Variants in RFX1 observed in about 807,000 individuals in gnomAD.
RFX1 encodes MHC class II regulatory factor RFX1.
A neutral mutation model predicts 119.6 loss-of-function variants in RFX1; 42 were observed. The observed-to-expected ratio is 0.35, with a 90% confidence interval of 0.27 to 0.45. The LOEUF (loss-of-function observed/expected upper bound fraction) is 0.45, where lower values mean the gene tolerates loss of function less well. Among genes scored for constraint, RFX1 ranks in the 20% least tolerant of loss-of-function variants. RFX1 has a pLI of 1.00. For missense variants in RFX1, 1,118 were observed against 1,368.1 expected (o/e 0.82, Z 2.88); for synonymous variants, 628 against 618.5 (o/e 1.02, Z -0.23).
chr19:14,006,774 G>A (rs991585235), upstream of RFX1: 1 of 152,268 alleles, frequency 6.6e-6, no homozygotes, highest in Non-Finnish European at 1.5e-5. Flanking sequence ...GAGAAAGGAA[G>A]ACTCCGCTCC....
chr19:13,965,362 G>T lies in RFX1; in HGVS notation c.2211+87C>A. 1 of 1,200,898 alleles carries T rather than the reference G, an allele frequency of 8.3e-7. No individual in the cohort carries two copies. The highest frequency in any genetic ancestry group is 1.2e-6 in the Non-Finnish European group (1 of 823,628). The allele number at this position is 1,200,898 out of a possible 1,614,324, so 74.4% of individuals were successfully genotyped here. A position where few individuals can be genotyped will look rare whatever the true frequency, so the allele number is the denominator to read the frequency against. On this transcript the variant is annotated intron_variant, in intron 16 of 20. Coordinates refer to ENST00000254325, the MANE Select transcript of RFX1 (RefSeq NM_002918.5). This position sits in a 1 kb window ranked among gnomAD's most constrained non-coding sequence, Gnocchi z 4.7. ...AGGCATCATCCCTGGAACAGGCGTG[G>T]GGACAAATTTTACCGCCCCTGGGGA...
intron 1 of RFX1, among the ~76,000 whole-genome samples, chr19:14,001,656 C>A (rs1329050638): frequency 6.6e-6 from 1 of 152,230 alleles, no homozygotes; most frequent in East Asian, 1.9e-4. Flanking sequence ...AAGGTAAGGG[C>A]CCCACAGGCA....
intron 1 of RFX1, among the ~76,000 whole-genome samples, chr19:13,994,926 ATATAT>A (rs1974953898): frequency 2.7e-5 from 3 of 110,992 alleles, no homozygotes; most frequent in African/African-American, 1.1e-4. Flanking sequence ...ATATATATAT[ATATAT>A]ATATATAATC....
At position 13,965,424 on chromosome 19, in the gene RFX1, G is replaced by A. The variant is rs1363691293; in HGVS notation, c.2211+25C>T. Reference sequence around the variant, plus strand: ...GGAGGCCTAAGCCCCAGAGATAGGAGAAAGGGACCCCCTCACACTCTCACC... The same window carrying A: ...GGAGGCCTAAGCCCCAGAGATAGGAAAAAGGGACCCCCTCACACTCTCACC... On this transcript the variant is annotated intron_variant, in intron 16 of 20. Coordinates refer to ENST00000254325, the MANE Select transcript of RFX1 (RefSeq NM_002918.5). The surrounding 1 kb of genome is among the most constrained non-coding windows in gnomAD (Gnocchi z 4.7). 6 of 1,602,956 alleles carry A rather than the reference G, an allele frequency of 3.7e-6. No homozygotes were observed. The highest frequency in any genetic ancestry group is 1.1e-5 in the South Asian group (1 of 90,734).
Position 13,972,902 on chromosome 19 carries a change from A to G in RFX1, c.1155T>C (p.Ser385=). ...CTCCCCCGCCGCCGCCGCCACCACC[A>G]CTGCCACCACCTCCGCTGCTGTTGC... ...GASNSSGGGG[S]GGGGGGGGGG... is the part of the protein sequence containing the mutation. The change falls in exon 9 of 21, where the codon AGT becomes AGC. Residue 385 remains serine (S), a synonymous_variant. Transcript: ENST00000254325. 6.3e-7 allele frequency: 1 copy of G among 1,589,388 alleles called. No individual in the cohort carries two copies. The highest frequency in any genetic ancestry group is 8.5e-7 in the Non-Finnish European group (1 of 1,174,672).
At position 13,963,978 on chromosome 19, in the gene RFX1, T is replaced by C; in HGVS notation, c.2241A>G (p.Thr747=). ...KVAAAGAFAQ[T]LRRYTSLNHL... Reference sequence around the variant, plus strand: ...GGTTGAGCGACGTGTAGCGCCGCAGTGTCTGCGCGAAGGCGCCAGCCGCGG... The same window carrying C: ...GGTTGAGCGACGTGTAGCGCCGCAGCGTCTGCGCGAAGGCGCCAGCCGCGG... Residue 747 remains threonine, a synonymous_variant, in exon 17 of 21, where the codon ACA becomes ACG. Coordinates refer to ENST00000254325, the MANE Select transcript of RFX1 (RefSeq NM_002918.5). The C allele has an allele frequency of 6.5e-7, 1 of 1,538,770 alleles. No individual in the cohort carries two copies. The highest frequency in any genetic ancestry group is 8.7e-7 in the Non-Finnish European group (1 of 1,147,116).
rs199529340 is a variant in RFX1, at chr19:13,977,957, C to A, written c.929+35G>T. 1.1e-5 allele frequency: 17 copies of A among 1,535,676 alleles called. No homozygotes were observed. The East Asian group carries it at 1.6e-4, about 14-fold the overall frequency. On this transcript the variant is annotated intron_variant, in intron 8 of 20. Coordinates refer to ENST00000254325, the MANE Select transcript of RFX1 (RefSeq NM_002918.5). ...AGACTGGGGAGGCTCCAGTGCAGACCTGACTCCCTCACCCACCCCTCTCCC... is the reference window on the plus strand; with the variant it reads ...AGACTGGGGAGGCTCCAGTGCAGACATGACTCCCTCACCCACCCCTCTCCC...
At chr19:13,977,939 G>A in intron 8 of RFX1, 53 bp downstream of exon 8, 1 of 1,361,670 alleles carries the variant, frequency 7.3e-7, no homozygotes, top group Admixed American at 1.8e-5. Context: ...GGGAGACTGG[G>A]GAGGCTCCAG....
In RFX1 at chr19:13,999,829, C is replaced by T. The variant is rs577219883; in HGVS notation, c.-52-5934G>A. On this transcript the variant is annotated intron_variant, in intron 1 of 20. Transcript: ENST00000254325. ...GAGCTGGGATTACAGGTGCCCACCA[C>T]CATGCCTGGCTAGCTTTTGTATTTT... is the stretch of plus-strand genomic sequence containing the variant. Among the ~76,000 whole-genome samples the T allele has an allele frequency of 3.9e-5, 6 of 152,258 alleles. No homozygotes were observed. The East Asian group carries it at 7.7e-4, about 20-fold the overall frequency.
Position 13,966,338 on chromosome 19 carries a change from GC to G in RFX1, c.1961+82del. The G allele has an allele frequency of 1.2e-6, 1 of 836,086 alleles. No individual in the cohort carries two copies. The highest frequency in any genetic ancestry group is 2.0e-6 in the Non-Finnish European group (1 of 503,918). The allele number at this position is 836,086 out of a possible 1,614,324, so 51.8% of individuals were successfully genotyped here. On this transcript the variant is annotated intron_variant, in intron 14 of 20. Transcript: ENST00000254325. The surrounding 1 kb of genome is among the most constrained non-coding windows in gnomAD (Gnocchi z 6.3). Reference sequence around the variant, plus strand: ...CACAAACTGCAGGGGACAAGCAGGTGCCCCAACCCTGGCCATCAAAATCACC... The same window carrying G: ...CACAAACTGCAGGGGACAAGCAGGTGCCCAACCCTGGCCATCAAAATCACC...
Position 13,980,687 on chromosome 19 carries a change from C to T in RFX1, c.624G>A (p.Gln208=). The T allele has an allele frequency of 6.8e-7, 1 of 1,474,032 alleles. No individual in the cohort carries two copies. The highest frequency in any genetic ancestry group is 1.6e-5 in the African/African-American group (1 of 62,462). The allele number at this position is 1,474,032 out of a possible 1,614,324, so 91.3% of individuals were successfully genotyped here. The change falls in exon 6 of 21, where the codon CAG becomes CAA. Residue 208 remains glutamine, a splice_region_variant and synonymous_variant. Coordinates refer to ENST00000254325, the MANE Select transcript of RFX1 (RefSeq NM_002918.5). This position sits in a 1 kb window ranked among gnomAD's most constrained non-coding sequence, Gnocchi z 5.1. ...GTQQVHSPPE[Q]SPVQANSSSS... ...AAGAGCTGTTGGCCTGCACCGGCGA[C>T]TGCTGTAAGGGAAGGAGACACAGGA...
chr19:13,982,758 C>T (rs900681110), intron 4 of RFX1, among the ~76,000 whole-genome samples: 1 of 152,138 alleles, frequency 6.6e-6, no homozygotes, highest in South Asian at 2.1e-4. Flanking sequence ...GAGCCGAGAT[C>T]GAGCCATTGT....
In RFX1 at chr19:13,980,585, G is replaced by A. The variant is rs764361246; in HGVS notation, c.726C>T (p.Pro242=). The change falls in exon 6 of 21, where the codon CCC becomes CCT. Residue 242 remains proline (P), a synonymous_variant. Transcript: ENST00000254325. This position sits in a 1 kb window ranked among gnomAD's most constrained non-coding sequence, Gnocchi z 5.1. The part of the protein sequence containing the change: ...LQVHGVQQSV[P]VTQERSVVQA... The stretch of plus-strand genomic sequence containing the variant: ...CTTGGCCTGGCACCTCTTGGGTGAC[G>A]GGGACACTCTGCTGGACGCCGTGGA... 38 of 1,571,352 alleles carry A rather than the reference G, an allele frequency of 2.4e-5. No homozygotes were observed. Among genetic ancestry groups the A allele is most frequent in the South Asian group, 5.7e-5 (5 of 86,962 alleles).
chr19:13,964,092 G>T, intron 16 of RFX1, 85 bp from the exon 17 acceptor site: 2 of 1,360,616 alleles, frequency 1.5e-6, no homozygotes, highest in Non-Finnish European at 1.9e-6. Flanking sequence ...ACCTCCCTAA[G>T]CCTGTTTCCT....
intron 9 of RFX1, among the ~76,000 whole-genome samples, chr19:13,971,119 A>C (rs1974065250): frequency 6.6e-6 from 1 of 151,882 alleles, no homozygotes. Flanking sequence ...GGATCACCTG[A>C]AGTCAGAAGT....
chr19:13,964,273 T>C (rs1451105113), intron 16 of RFX1, among the ~76,000 whole-genome samples: 2 of 152,196 alleles, frequency 1.3e-5, no homozygotes, highest in East Asian at 1.9e-4. Context: ...AAAATAACTA[T>C]TGAGACAGGG....
chr19:13,986,545 G>T lies in RFX1; in HGVS notation c.320-2950C>A, dbSNP rs1428529019. Among the ~76,000 whole-genome samples, 1 of 152,130 alleles carries T rather than the reference G, an allele frequency of 6.6e-6. No individual in the cohort carries two copies. Among genetic ancestry groups the T allele is most frequent in the African/African-American group, 2.4e-5 (1 of 41,434 alleles). On this transcript the variant is annotated intron_variant, in intron 2 of 20. Coordinates refer to ENST00000254325, the MANE Select transcript of RFX1 (RefSeq NM_002918.5). This position sits in a 1 kb window ranked among gnomAD's most constrained non-coding sequence, Gnocchi z 4.2. Reference sequence around the variant, plus strand: ...TGGGTCTGGCCCTCGCTGTGTTTCAGGGAGGAGAAGCCAGGAGGGGAAGTG... The same window carrying T: ...TGGGTCTGGCCCTCGCTGTGTTTCATGGAGGAGAAGCCAGGAGGGGAAGTG...
chr19:13,991,015 C>T (rs978415943), intron 2 of RFX1, among the ~76,000 whole-genome samples: 2 of 152,138 alleles, frequency 1.3e-5, no homozygotes, highest in African/African-American at 4.8e-5. Context: ...AAAATGGGTG[C>T]TGTTCCACCT....
chr19:13,993,660 G>T lies in RFX1; in HGVS notation c.184C>A (p.Gln62Lys), dbSNP rs773595959. 6.2e-6 allele frequency: 10 copies of T among 1,600,016 alleles called. No homozygotes were observed. The South Asian group carries it at 1.1e-4, about 18-fold the overall frequency. Reference protein sequence around the residue: ...PQYVTELQSPQPQAQPPGGQK... With the variant: ...PQYVTELQSPKPQAQPPGGQK... ...CCACCCGGTGGCTGTGCCTGGGGCTGGGGGCTCTGCAGCTCGGTGACATAT... is the reference window on the plus strand; with the variant it reads ...CCACCCGGTGGCTGTGCCTGGGGCTTGGGGCTCTGCAGCTCGGTGACATAT... Residue 62 changes from glutamine (Q) to lysine (K), a missense_variant, in exon 2 of 21, where the codon CAG (glutamine) becomes AAG (lysine). This residue lies in a region of RFX1 where 542 missense variants were observed against 602.7 expected (regional missense o/e 0.90). Transcript: ENST00000254325.
Sources: allele counts gnomAD v4.1 joint callset (sites outside exome capture counted in the v4.1 genomes callset), GRCh38; gene constraint gnomAD v4.1.1; regional missense constraint gnomAD v4.1.1; non-coding constraint Gnocchi (gnomAD v3.1); transcripts MANE v1.5; gene names NCBI Gene and HGNC (gene_info 2026-07-23, HGNC 2026-07-21).